DNAJC22: variants seen among roughly 807,000 people sequenced by gnomAD.
DNAJC22 encodes the protein dnaJ homolog subfamily C member 22.
Under a neutral mutation model 22.2 loss-of-function variants are expected in DNAJC22, and 24 were observed. That is an observed-to-expected ratio of 1.08 (90% CI 0.78 to 1.52). DNAJC22 has a LOEUF of 1.52. DNAJC22 is among the 40% of genes most tolerant of loss of function. DNAJC22 has a pLI of 0.00. For synonymous variants in DNAJC22, 160 were observed against 167.4 expected (o/e 0.96, Z 0.34); for missense variants, 434 against 421.7 (o/e 1.03, Z -0.26).
rs1943708104 is a variant in DNAJC22, at chr12:49,346,943, G to A, written c.-1178G>A. The A allele has an allele frequency of 6.6e-6, 1 of 152,304 alleles. No individual in the cohort carries two copies. The highest frequency in any genetic ancestry group is 1.5e-5 in the Non-Finnish European group (1 of 68,088). 9.4% of individuals were successfully genotyped at this position (152,304 alleles called of 1,614,324 possible). On this transcript the variant is annotated 5_prime_UTR_variant, in exon 1 of 4. Transcript: ENST00000549441. ...GCATTTCCTCTCCAGGCCGAGATGAGGGCTGAGGGCGTTTGGAGGGAAGCG... is the reference window on the plus strand; with the variant it reads ...GCATTTCCTCTCCAGGCCGAGATGAAGGCTGAGGGCGTTTGGAGGGAAGCG...
In DNAJC22 at chr12:49,347,434, G is replaced by C. The variant is rs77541975; in HGVS notation, c.-687G>C. 2 of 152,268 alleles carry C rather than the reference G, an allele frequency of 1.3e-5. No homozygotes were observed. The highest frequency in any genetic ancestry group is 4.8e-5 in the African/African-American group (2 of 41,392). The allele number at this position is 152,268 out of a possible 1,614,324, so 9.4% of individuals were successfully genotyped here. A position where few individuals can be genotyped will look rare whatever the true frequency, so the allele number is the denominator to read the frequency against. The stretch of plus-strand genomic sequence containing the variant: ...CCTGTGGGGGGTTGAGGACAGCTTG[G>C]GTTGGATGTCCCTCACTGCAGCCTG... On this transcript the variant is annotated 5_prime_UTR_variant, in exon 1 of 4. Coordinates refer to ENST00000549441, the MANE Select transcript of DNAJC22 (RefSeq NM_001304944.2).
In DNAJC22 at chr12:49,348,855, A is replaced by G; in HGVS notation, c.-18A>G. 6.8e-7 allele frequency: 1 copy of G among 1,474,088 alleles called. No homozygotes were observed. The highest frequency in any genetic ancestry group is 9.0e-7 in the Non-Finnish European group (1 of 1,113,018). The allele number at this position is 1,474,088 out of a possible 1,614,324, so 91.3% of individuals were successfully genotyped here. ...GCTGCGAGTAACCGGACTTGTTCTG[A>G]GACCTTTGCCCTAGAGGATGGCCAA... On this transcript the variant is annotated 5_prime_UTR_variant, in exon 3 of 4. Transcript: ENST00000549441.
Position 49,351,475 on chromosome 12 carries a change from C to A in DNAJC22, c.999C>A (p.Pro333=). 1 of 1,568,700 alleles carries A rather than the reference C, an allele frequency of 6.4e-7. No individual in the cohort carries two copies. The highest frequency in any genetic ancestry group is 2.0e-5 in the Admixed American group (1 of 50,388). The change falls in exon 4 of 4, where the codon CCC becomes CCA. Residue 333 remains proline, a synonymous_variant. Coordinates refer to ENST00000549441, the MANE Select transcript of DNAJC22 (RefSeq NM_001304944.2). ...CTGCGTATGAAGTCCTGAGTCAACCCAGGAAGCCCTGGGGATCCCGGAGGT... is the reference window on the plus strand; with the variant it reads ...CTGCGTATGAAGTCCTGAGTCAACCAAGGAAGCCCTGGGGATCCCGGAGGT... ...IQAAYEVLSQ[P]RKPWGSRR
chr12:49,349,563 C>T lies in DNAJC22; in HGVS notation c.691C>T (p.Leu231Phe), dbSNP rs1169432120. 1 of 1,614,126 alleles carries T rather than the reference C, an allele frequency of 6.2e-7. No individual in the cohort carries two copies. The highest frequency in any genetic ancestry group is 2.2e-5 in the East Asian group (1 of 44,900). Residue 231 changes from leucine (L) to phenylalanine (F), a missense_variant, in exon 3 of 4, where the codon CTC becomes TTC. Physicochemically the swap from Leu to Phe is conservative, Grantham distance 22 (BLOSUM62 0). Transcript: ENST00000549441. ...CAGCTTCTTCCCCCTTCTTGGCCGC[C>T]TCATGGAGTTTGTCCTCCTTCTGCC... ...WFSFFPLLGR[L>F]MEFVLLLPYR...
chr12:49,350,789 C>T lies in DNAJC22; in HGVS notation c.841-528C>T, dbSNP rs567426688. Among the ~76,000 whole-genome samples the T allele has an allele frequency of 8.5e-5, 13 of 152,292 alleles. No homozygotes were observed. The East Asian group carries it at 1.4e-3, about 16-fold the overall frequency. ...CTAGAATTACAAGCAGGAGCCACCACGCCCGACCATTATTCCTCCTGTTAC... is the reference window on the plus strand; with the variant it reads ...CTAGAATTACAAGCAGGAGCCACCATGCCCGACCATTATTCCTCCTGTTAC... On this transcript the variant is annotated intron_variant, in intron 3 of 3. Coordinates refer to ENST00000549441, the MANE Select transcript of DNAJC22 (RefSeq NM_001304944.2).
rs1444186284 is a variant in DNAJC22 at position 49,349,522 on chromosome 12, CCTT to C, written c.654_656del (p.Phe218del). ...AGCTATGTGGCAGAAACCTTTGGCT[CCTT>C]CTTGAATTGGTTCAGCTTCTTCCCC... On this transcript the variant is annotated inframe_deletion, in exon 3 of 4. Coordinates refer to ENST00000549441, the MANE Select transcript of DNAJC22 (RefSeq NM_001304944.2). The C allele has an allele frequency of 1.2e-6, 2 of 1,614,246 alleles. No homozygotes were observed. Among genetic ancestry groups the C allele is most frequent in the Admixed American group, 1.7e-5 (1 of 60,032 alleles).
chr12:49,350,997 T>G (rs1035751643), intron 3 of DNAJC22, among the ~76,000 whole-genome samples: 2 of 152,204 alleles, frequency 1.3e-5, no homozygotes, highest in Admixed American at 1.3e-4. Context: ...TACATTTATG[T>G]CTTTTGTGGG....
Position 49,347,083 on chromosome 12 carries a change from G to C in DNAJC22, c.-1038G>C, listed in dbSNP as rs1208892829. The C allele has an allele frequency of 2.0e-5, 3 of 152,268 alleles. No individual in the cohort carries two copies. Among genetic ancestry groups the C allele is most frequent in the African/African-American group, 7.2e-5 (3 of 41,472 alleles). 9.4% of individuals were successfully genotyped at this position (152,268 alleles called of 1,614,324 possible). A position where few individuals can be genotyped will look rare whatever the true frequency, so the allele number is the denominator to read the frequency against. ...GAGATTGCCAGAGAAGGAAATTGAG[G>C]CCCAAGAAGCTGCATGACTTAGCCA... is the stretch of plus-strand genomic sequence containing the variant. On this transcript the variant is annotated 5_prime_UTR_variant, in exon 1 of 4. Coordinates refer to ENST00000549441, the MANE Select transcript of DNAJC22 (RefSeq NM_001304944.2).
At chr12:49,351,167 A>G (rs746759658) in intron 3 of DNAJC22, 150 bp from the exon 4 acceptor site, 14 of 1,446,554 alleles carry the variant, frequency 9.7e-6, no homozygotes, top group Non-Finnish European at 1.3e-5. Context: ...ATAAGGCTGG[A>G]ATTCTAACCT....
Position 49,348,746 on chromosome 12 carries a change from T to C in DNAJC22, c.-107-20T>C. The stretch of plus-strand genomic sequence containing the variant: ...GAGCCTGGACATCATCTTATGACTC[T>C]ACTTTTTCCCATCTCTTAGGGTCTA... On this transcript the variant is annotated intron_variant, in intron 2 of 3. Transcript: ENST00000549441. 1 of 1,305,424 alleles carries C rather than the reference T, an allele frequency of 7.7e-7. No individual in the cohort carries two copies. The highest frequency in any genetic ancestry group is 2.8e-5 in the Admixed American group (1 of 36,192). The allele number at this position is 1,305,424 out of a possible 1,614,324, so 80.9% of individuals were successfully genotyped here. A position where few individuals can be genotyped will look rare whatever the true frequency, so the allele number is the denominator to read the frequency against.
Position 49,348,787 on chromosome 12 carries a change from C to A in DNAJC22, c.-86C>A. 1 of 1,425,288 alleles carries A rather than the reference C, an allele frequency of 7.0e-7. No homozygotes were observed. The allele number at this position is 1,425,288 out of a possible 1,614,324, so 88.3% of individuals were successfully genotyped here. A position where few individuals can be genotyped will look rare whatever the true frequency, so the allele number is the denominator to read the frequency against. Reference sequence around the variant, plus strand: ...TTAGGGTCTAAGGATAACTCTGGGGCCATGACAGCCATGAGTCTCACAGAG... The same window carrying A: ...TTAGGGTCTAAGGATAACTCTGGGGACATGACAGCCATGAGTCTCACAGAG... On this transcript the variant is annotated 5_prime_UTR_variant, in exon 3 of 4. Coordinates refer to ENST00000549441, the MANE Select transcript of DNAJC22 (RefSeq NM_001304944.2).
chr12:49,349,193 T>C lies in DNAJC22; in HGVS notation c.321T>C (p.Ile107=), dbSNP rs768326267. The C allele has an allele frequency of 2.5e-6, 4 of 1,614,056 alleles. No individual in the cohort carries two copies. Among genetic ancestry groups the C allele is most frequent in the South Asian group, 1.1e-5 (1 of 91,090 alleles). Residue 107 remains isoleucine (I), a synonymous_variant, in exon 3 of 4, where the codon ATT becomes ATC. Transcript: ENST00000549441. ...ISLSSMVNFY[I]VALPLAVGLG... ...TTTCTTCCATGGTCAACTTCTATATTGTGGCCCTCCCACTGGCAGTTGGCT... is the reference window on the plus strand; with the variant it reads ...TTTCTTCCATGGTCAACTTCTATATCGTGGCCCTCCCACTGGCAGTTGGCT...
rs1943746613 is a variant in DNAJC22, at chr12:49,349,381, A to G, written c.509A>G (p.Lys170Arg). 2 of 1,605,906 alleles carry G rather than the reference A, an allele frequency of 1.2e-6. No individual in the cohort carries two copies. The highest frequency in any genetic ancestry group is 1.3e-5 in the African/African-American group (1 of 74,506). ...SITAQRHRRY[K>R]ALVASEPLSV... Reference sequence around the variant, plus strand: ...ACAGCTCAGAGGCATCGCCGCTACAAAGCTTTGGTGGCATCAGAGCCGCTC... The same window carrying G: ...ACAGCTCAGAGGCATCGCCGCTACAGAGCTTTGGTGGCATCAGAGCCGCTC... Residue 170 changes from lysine to arginine, a missense_variant, in exon 3 of 4, where the codon AAA (lysine) becomes AGA (arginine). Transcript: ENST00000549441.
In DNAJC22 at chr12:49,351,454, G is replaced by A. The variant is rs189793992; in HGVS notation, c.978G>A (p.Ala326=). Residue 326 remains alanine (A), a synonymous_variant, in exon 4 of 4, where the codon GCG becomes GCA. Coordinates refer to ENST00000549441, the MANE Select transcript of DNAJC22 (RefSeq NM_001304944.2). ...GGCACTTCCTGGAGATCCAGGCTGC[G>A]TATGAAGTCCTGAGTCAACCCAGGA... ...AQRHFLEIQA[A]YEVLSQPRKP... 1.0e-5 allele frequency: 16 copies of A among 1,600,136 alleles called. No homozygotes were observed. Among genetic ancestry groups the A allele is most frequent in the Non-Finnish European group, 1.2e-5 (14 of 1,175,124 alleles).
At chr12:49,351,262 C>T in intron 3 of DNAJC22, 55 bp from the exon 4 acceptor site, 2 of 1,610,242 alleles carry the variant, frequency 1.2e-6, no homozygotes, top group Non-Finnish European at 1.7e-6. Flanking sequence ...AAGGAGAGGC[C>T]CAGGTACCCT....
chr12:49,348,901 C>T lies in DNAJC22; in HGVS notation c.29C>T (p.Ala10Val). 3 of 1,512,178 alleles carry T rather than the reference C, an allele frequency of 2.0e-6. No individual in the cohort carries two copies. Among genetic ancestry groups the T allele is most frequent in the Non-Finnish European group, 2.6e-6 (3 of 1,132,274 alleles). The allele number at this position is 1,512,178 out of a possible 1,614,324, so 93.7% of individuals were successfully genotyped here. A position where few individuals can be genotyped will look rare whatever the true frequency, so the allele number is the denominator to read the frequency against. Residue 10 changes from alanine to valine, a missense_variant, in exon 3 of 4, where the codon GCC becomes GTC. Ala to Val is a moderately conservative substitution (Grantham distance 64). Coordinates refer to ENST00000549441, the MANE Select transcript of DNAJC22 (RefSeq NM_001304944.2). The stretch of plus-strand genomic sequence containing the variant: ...GCCAAGGGGCTCCTGGTGACCTATG[C>T]CCTCTGGGCTGTGGGGGGCCCTGCT... The part of the protein sequence containing the change: MAKGLLVTY[A>V]LWAVGGPAGL...
At position 49,349,571 on chromosome 12, in the gene DNAJC22, G is replaced by A. The variant is rs1388075987; in HGVS notation, c.699G>A (p.Glu233=). ...TCCCCCTTCTTGGCCGCCTCATGGA[G>A]TTTGTCCTCCTTCTGCCTTACCGGA... ...SFFPLLGRLM[E]FVLLLPYRIW... The change falls in exon 3 of 4, where the codon GAG becomes GAA. Residue 233 remains glutamate, a synonymous_variant. Coordinates refer to ENST00000549441, the MANE Select transcript of DNAJC22 (RefSeq NM_001304944.2). 6.2e-7 allele frequency: 1 copy of A among 1,614,238 alleles called. No homozygotes were observed. Among genetic ancestry groups the A allele is most frequent in the East Asian group, 2.2e-5 (1 of 44,882 alleles).
Position 49,349,129 on chromosome 12 carries a change from T to C in DNAJC22, c.257T>C (p.Ile86Thr), listed in dbSNP as rs1943739867. 6.2e-7 allele frequency: 1 copy of C among 1,614,192 alleles called. No homozygotes were observed. The part of the protein sequence containing the change: ...LSPIRFAAQV[I>T]VGIYFGLVAL... ...CCCATTCGCTTTGCTGCCCAGGTGATAGTTGGCATCTATTTTGGCCTTGTG... is the reference window on the plus strand; with the variant it reads ...CCCATTCGCTTTGCTGCCCAGGTGACAGTTGGCATCTATTTTGGCCTTGTG... Residue 86 changes from isoleucine to threonine, a missense_variant, in exon 3 of 4, where the codon ATA becomes ACA. Transcript: ENST00000549441.
At position 49,351,438 on chromosome 12, in the gene DNAJC22, T is replaced by C; in HGVS notation, c.962T>C (p.Leu321Pro). Reference protein sequence around the residue: ...DQTEEAQRHFLEIQAAYEVLS... With the variant: ...DQTEEAQRHFPEIQAAYEVLS... ...ACAGAGGAGGCACAGAGGCACTTCC[T>C]GGAGATCCAGGCTGCGTATGAAGTC... Residue 321 changes from leucine to proline, a missense_variant, in exon 4 of 4, where the codon CTG becomes CCG. Leu to Pro is a moderately conservative substitution (Grantham distance 98). Coordinates refer to ENST00000549441, the MANE Select transcript of DNAJC22 (RefSeq NM_001304944.2). The C allele has an allele frequency of 6.2e-7, 1 of 1,605,340 alleles. No individual in the cohort carries two copies. Among genetic ancestry groups the C allele is most frequent in the Non-Finnish European group, 8.5e-7 (1 of 1,176,840 alleles).
Sources: gnomAD v4.1 joint callset for allele counts (sites outside exome capture counted in the v4.1 genomes callset) on GRCh38, gnomAD v4.1.1 for gene constraint, MANE v1.5 for transcripts, NCBI Gene and HGNC (gene_info 2026-07-23, HGNC 2026-07-21) for gene names.